ADD2: variants seen among roughly 807,000 people sequenced by gnomAD.
ADD2 encodes the protein adducin 2, also known as beta-adducin.
Under a neutral mutation model 83.0 loss-of-function variants are expected in ADD2, and 23 were observed. The observed-to-expected ratio is 0.28, with a 90% CI of 0.20 to 0.39. ADD2 has a LOEUF of 0.39. ADD2 is among the 10% of genes least tolerant of loss of function. The pLI, the probability that ADD2 is intolerant of heterozygous loss-of-function variation, is 1.00. For synonymous variants in ADD2, 375 were observed against 375.4 expected, an observed-to-expected ratio of 1.00 and a Z score of 0.01; for missense variants, 758 against 944.9, an observed-to-expected ratio of 0.80 and a Z score of 2.59.
rs191204464 is a variant in ADD2, at chr2:70,706,915, T to C, written c.-34-473A>G. On this transcript the variant is annotated intron_variant, in intron 2 of 15. Coordinates refer to ENST00000264436, the MANE Select transcript of ADD2 (RefSeq NM_001617.4). This position sits in a 1 kb window ranked among gnomAD's most constrained non-coding sequence, Gnocchi z 5.0. Reference sequence around the variant, plus strand: ...CTGGGCTTAACACCTAGGTAATGGGTTGATAGGCGCAGCAAACCACCATGG... The same window carrying C: ...CTGGGCTTAACACCTAGGTAATGGGCTGATAGGCGCAGCAAACCACCATGG... Among the ~76,000 whole-genome samples, 1 of 152,272 alleles carries C rather than the reference T, an allele frequency of 6.6e-6. No individual in the cohort carries two copies. Among genetic ancestry groups the C allele is most frequent in the African/African-American group, 2.4e-5 (1 of 41,528 alleles).
At chr2:70,740,990 G>A (rs1028212317) in intron 1 of ADD2, among the ~76,000 whole-genome samples, 7 of 152,212 alleles carry the variant, frequency 4.6e-5, no homozygotes, top group Non-Finnish European at 8.8e-5. Context: ...ATGAGCCACC[G>A]TGCCCGGCCT....
chr2:70,736,371 G>T (rs1673560480), intron 1 of ADD2, among the ~76,000 whole-genome samples: 1 of 152,136 alleles, frequency 6.6e-6, no homozygotes, highest in South Asian at 2.1e-4. Context: ...CGGTTAACTG[G>T]GATTTCTGGA....
intron 1 of ADD2, among the ~76,000 whole-genome samples, chr2:70,719,307 T>A (rs1254186403): frequency 6.6e-6 from 1 of 152,140 alleles, no homozygotes; most frequent in Non-Finnish European, 1.5e-5. Flanking sequence ...ACTGGGGATG[T>A]GAAGGGATGC....
intron 1 of ADD2, among the ~76,000 whole-genome samples, chr2:70,765,751 TAGA>T (rs1558589427): frequency 6.6e-6 from 1 of 152,250 alleles, no homozygotes; most frequent in Non-Finnish European, 1.5e-5. Flanking sequence ...GTAGCCATTG[TAGA>T]AGGTCTCATG....
chr2:70,730,337 A>T (rs1431652901), intron 1 of ADD2, among the ~76,000 whole-genome samples: 1 of 152,008 alleles, frequency 6.6e-6, no homozygotes, highest in East Asian at 1.9e-4. Flanking sequence ...CAAAAGGCAG[A>T]CCCCCTCCAC....
chr2:70,733,172 A>G (rs2104473111), intron 1 of ADD2, among the ~76,000 whole-genome samples: 1 of 152,308 alleles, frequency 6.6e-6, no homozygotes, highest in Middle Eastern at 3.4e-3. Flanking sequence ...ATAGGCTACA[A>G]TTTTGCAGAA....
chr2:70,705,359 CCCCTGCACAGG>C (rs1671832246), intron 3 of ADD2, among the ~76,000 whole-genome samples: 1 of 152,222 alleles, frequency 6.6e-6, no homozygotes, highest in South Asian at 2.1e-4. Context: ...TCTCACACAG[CCCCTGCACAGG>C]CCCTGGCTCT....
intron 1 of ADD2, among the ~76,000 whole-genome samples, chr2:70,726,420 T>C (rs1458173725): frequency 6.6e-6 from 1 of 152,242 alleles, no homozygotes; most frequent in South Asian, 2.1e-4. Flanking sequence ...CTGAATTGAA[T>C]AGCAGCTCAC....
At chr2:70,753,982 T>C (rs1426870935) in intron 1 of ADD2, among the ~76,000 whole-genome samples, 1 of 152,144 alleles carries the variant, frequency 6.6e-6, no homozygotes, top group East Asian at 1.9e-4. Flanking sequence ...AAGGGCGTCA[T>C]CACAGAGCCA....
intron 2 of ADD2, among the ~76,000 whole-genome samples, chr2:70,710,159 C>A (rs1672103461): frequency 6.6e-6 from 1 of 152,220 alleles, no homozygotes; most frequent in South Asian, 2.1e-4. Flanking sequence ...AGTGAGTACA[C>A]TGGATGTGAG....
In ADD2 at chr2:70,659,715, T is replaced by G. The variant is rs1553364701; in HGVS notation, c.*3710A>C. 6.6e-6 allele frequency: 1 copy of G among 152,210 alleles called. No individual in the cohort carries two copies. Among genetic ancestry groups the G allele is most frequent in the Non-Finnish European group, 1.5e-5 (1 of 68,104 alleles). 9.4% of individuals were successfully genotyped at this position (152,210 alleles called of 1,614,324 possible). A position where few individuals can be genotyped will look rare whatever the true frequency, so the allele number is the denominator to read the frequency against. On this transcript the variant is annotated 3_prime_UTR_variant, in exon 16 of 16. Coordinates refer to ENST00000264436, the MANE Select transcript of ADD2 (RefSeq NM_001617.4). ...GGCTAGAAGGTGTCTCTTTCTGCAG[T>G]TTGGGAGGAAGGTCACATGGTATGG...
intron 1 of ADD2, among the ~76,000 whole-genome samples, chr2:70,766,467 T>C (rs1022244590): frequency 3.3e-5 from 5 of 152,214 alleles, no homozygotes; most frequent in African/African-American, 1.2e-4. Context: ...ATTCATATGC[T>C]AATGGAGATA....
intron 14 of ADD2, 91 bp downstream of exon 14, chr2:70,674,587 A>G: frequency 7.5e-7 from 1 of 1,329,474 alleles, no homozygotes; most frequent in Non-Finnish European, 1.0e-6. Flanking sequence ...TTCTTTGATG[A>G]TGGGGCAGGA....
intron 15 of ADD2, among the ~76,000 whole-genome samples, chr2:70,668,430 G>A (rs1475340851): frequency 2.6e-5 from 4 of 152,164 alleles, no homozygotes; most frequent in South Asian, 2.1e-4. Context: ...CAATGAGCTC[G>A]CCTTCCTGTA....
At chr2:70,758,017 G>A (rs555498954) in intron 1 of ADD2, among the ~76,000 whole-genome samples, 27 of 152,190 alleles carry the variant, frequency 1.8e-4, no homozygotes, top group East Asian at 3.9e-4. Context: ...GAAAATTACC[G>A]AAGGAACGTA....
intron 1 of ADD2, among the ~76,000 whole-genome samples, chr2:70,750,592 G>T (rs1435499521): frequency 2.0e-5 from 3 of 152,178 alleles, no homozygotes; most frequent in African/African-American, 7.2e-5. Context: ...GCCAAGGAAT[G>T]CCAAGAATTA....
intron 14 of ADD2, among the ~76,000 whole-genome samples, chr2:70,674,242 C>G (rs565175996): frequency 6.6e-6 from 1 of 152,244 alleles, no homozygotes; most frequent in South Asian, 2.1e-4. Flanking sequence ...GGAGTCAACA[C>G]AGAGAGATGG....
intron 9 of ADD2, among the ~76,000 whole-genome samples, chr2:70,684,923 T>C (rs572040144): frequency 3.9e-5 from 6 of 152,046 alleles, no homozygotes; most frequent in East Asian, 1.9e-4. Flanking sequence ...ACAAATCCCC[T>C]TTTTTTTAAA....
intron 10 of ADD2, among the ~76,000 whole-genome samples, chr2:70,681,488 A>C (rs1179592654): frequency 2.6e-5 from 4 of 152,154 alleles, no homozygotes; most frequent in South Asian, 2.1e-4. Context: ...AAAATCCCTA[A>C]CCTCTGAGGC....
Sources: allele counts gnomAD v4.1 joint callset (sites outside exome capture counted in the v4.1 genomes callset), GRCh38; gene constraint gnomAD v4.1.1; non-coding constraint Gnocchi (gnomAD v3.1); transcripts MANE v1.5; gene names NCBI Gene and HGNC (gene_info 2026-07-23, HGNC 2026-07-21).